Variants in DLGAP2 observed in about 807,000 individuals in gnomAD.
The protein encoded by DLGAP2 is disks large-associated protein 2.
DLGAP2 carries 26 observed loss-of-function variants against 100.3 expected under a neutral mutation model. The ratio of observed to expected loss-of-function variants is 0.26; its 90% confidence interval spans 0.19 to 0.36. The LOEUF (loss-of-function observed/expected upper bound fraction) is 0.36. Among genes scored for constraint, DLGAP2 ranks in the 10% least tolerant of loss-of-function variants. The pLI is 1.00. For missense variants in DLGAP2, 1,858 were observed against 1,453.2 expected (o/e 1.28, Z -4.53); for synonymous variants, 886 against 630.1 (o/e 1.41, Z -6.08).
intron 3 of DLGAP2, among the ~76,000 whole-genome samples, chr8:1,371,477 G>A (rs767259212): frequency 5.9e-5 from 9 of 152,218 alleles, no homozygotes; most frequent in South Asian, 2.1e-4. Context: ...TGCCCAGCGC[G>A]TTGCTGCCCA....
intron 3 of DLGAP2, among the ~76,000 whole-genome samples, chr8:1,426,150 A>C (rs997092531): frequency 6.6e-6 from 1 of 152,202 alleles, no homozygotes; most frequent in Non-Finnish European, 1.5e-5. Flanking sequence ...ACTCACCTCA[A>C]GGCCACACAT....
At chr8:1,471,556 C>G (rs552019472) in intron 3 of DLGAP2, among the ~76,000 whole-genome samples, 1 of 150,258 alleles carries the variant, frequency 6.7e-6, no homozygotes, top group East Asian at 2.0e-4. Context: ...CTAACCTCCT[C>G]TGCGACGCCC....
rs58789891 is a variant in DLGAP2, at chr8:985,806, A to G, written c.73+77840A>G. Among the ~76,000 whole-genome samples, 1,152 of 152,216 alleles carry G rather than the reference A, an allele frequency of 7.6e-3. 21 individuals carry two copies. The highest frequency in any genetic ancestry group is 0.027 in the African/African-American group (1,107 of 41,514). ...GTTTCCCCAGATGTGAGAGTGAGGG[A>G]TGTGTGGTTCATTAGCAGCAAGGAC... On this transcript the variant is annotated intron_variant, in intron 2 of 14. Transcript: ENST00000637795.
chr8:870,981 G>C (rs1797586203), intron 1 of DLGAP2, among the ~76,000 whole-genome samples: 1 of 152,172 alleles, frequency 6.6e-6, no homozygotes, highest in Admixed American at 6.5e-5. Flanking sequence ...TGGCACCTGA[G>C]CTCAACATTT....
Position 785,424 on chromosome 8 carries a change from C to A in DLGAP2, c.18+47599C>A, listed in dbSNP as rs1275147059. Among the ~76,000 whole-genome samples, 3 of 151,132 alleles carry A rather than the reference C, an allele frequency of 2.0e-5. No individual in the cohort carries two copies. The South Asian group carries it at 6.3e-4, about 32-fold the overall frequency. Reference sequence around the variant, plus strand: ...CTCCTCCCCTCAGGTCTCTCTGAGACCGGCTTCTCTCCTCCCCTCAGGTCT... The same window carrying A: ...CTCCTCCCCTCAGGTCTCTCTGAGAACGGCTTCTCTCCTCCCCTCAGGTCT... On this transcript the variant is annotated intron_variant, in intron 1 of 14. Coordinates refer to ENST00000637795, the MANE Select transcript of DLGAP2 (RefSeq NM_001346810.2).
chr8:1,008,610 G>T (rs1364382060), intron 2 of DLGAP2, among the ~76,000 whole-genome samples: 1 of 152,210 alleles, frequency 6.6e-6, no homozygotes, highest in African/African-American at 2.4e-5. Flanking sequence ...AGCTGCCTTT[G>T]TCAGTGGAAG....
intron 6 of DLGAP2, among the ~76,000 whole-genome samples, chr8:1,623,590 T>C (rs4875878): frequency 0.25 from 37,689 of 149,144 alleles, 4,723 homozygotes; most frequent in Middle Eastern, 0.45. Context: ...CACCAGTGTG[T>C]GATGACCTGG....
At chr8:846,521 A>C (rs114965456) in intron 1 of DLGAP2, among the ~76,000 whole-genome samples, 1 of 152,272 alleles carries the variant, frequency 6.6e-6, no homozygotes, top group African/African-American at 2.4e-5. Flanking sequence ...TATTTTCTTT[A>C]TCCATTCATC....
At chr8:847,243 T>C (rs74551515) in intron 1 of DLGAP2, among the ~76,000 whole-genome samples, 9,857 of 152,270 alleles carry the variant, frequency 0.065, 750 homozygotes, top group Admixed American at 0.22. Context: ...CCATATTATC[T>C]TAGTTTTCAG....
intron 2 of DLGAP2, among the ~76,000 whole-genome samples, chr8:948,940 G>A (rs796818357): frequency 6.6e-6 from 1 of 150,758 alleles, no homozygotes; most frequent in Admixed American, 6.7e-5. Flanking sequence ...GGGACGCCAG[G>A]GTGAGAGCAG....
chr8:915,219 C>T (rs538430370), intron 2 of DLGAP2, among the ~76,000 whole-genome samples: 68 of 152,248 alleles, frequency 4.5e-4, no homozygotes, highest in African/African-American at 1.2e-3. Context: ...GGTGCTGTGG[C>T]GTTGCCCTCC....
chr8:1,234,274 C>G (rs2116840513), intron 2 of DLGAP2, among the ~76,000 whole-genome samples: 1 of 152,294 alleles, frequency 6.6e-6, no homozygotes, highest in African/African-American at 2.4e-5. Context: ...CGTCTCACCG[C>G]TCTGGAGGCC....
intron 4 of DLGAP2, among the ~76,000 whole-genome samples, chr8:1,507,902 A>C (rs192316701): frequency 4.6e-4 from 64 of 137,968 alleles, no homozygotes; most frequent in African/African-American, 1.8e-3. Flanking sequence ...TGCACTGCCC[A>C]ATGGGAGCAT....
At chr8:1,509,125 G>A (rs1307949128) in intron 4 of DLGAP2, among the ~76,000 whole-genome samples, 2 of 152,040 alleles carry the variant, frequency 1.3e-5, no homozygotes, top group Non-Finnish European at 2.9e-5. Context: ...GAGGTCAGGA[G>A]ATCGAGACCA....
At chr8:1,167,515 G>A (rs62487546) in intron 2 of DLGAP2, among the ~76,000 whole-genome samples, 28,458 of 152,162 alleles carry the variant, frequency 0.19, 2,852 homozygotes, top group Middle Eastern at 0.34. Context: ...TTTCAGTGTT[G>A]CAGACCCAGG....
chr8:1,527,921 CAAAA>C (rs373923344), intron 4 of DLGAP2, among the ~76,000 whole-genome samples: 5 of 140,468 alleles, frequency 3.6e-5, no homozygotes, highest in Non-Finnish European at 7.8e-5. Context: ...TAAGTATCTG[CAAAA>C]AAAAAAAAGT....
At chr8:1,359,443 G>T (rs1444516628) in intron 3 of DLGAP2, among the ~76,000 whole-genome samples, 1 of 152,268 alleles carries the variant, frequency 6.6e-6, no homozygotes, top group Non-Finnish European at 1.5e-5. Flanking sequence ...ACAGGTTGGA[G>T]CCCAGGAACG....
rs559382684 is a variant in DLGAP2, at chr8:834,434, G to A, written c.19-73478G>A. Among the ~76,000 whole-genome samples the A allele has an allele frequency of 5.3e-5, 8 of 152,320 alleles. No homozygotes were observed. In the East Asian group the frequency reaches 1.5e-3, roughly 29 times the overall value. On this transcript the variant is annotated intron_variant, in intron 1 of 14. Transcript: ENST00000637795. ...AATGCAGGCCGACGCATGCGCCTGCGTTCCTCAGTGCCACAAGCACATCAT... is the reference window on the plus strand; with the variant it reads ...AATGCAGGCCGACGCATGCGCCTGCATTCCTCAGTGCCACAAGCACATCAT...
At chr8:1,134,128 A>G (rs1242883964) in intron 2 of DLGAP2, among the ~76,000 whole-genome samples, 1 of 152,152 alleles carries the variant, frequency 6.6e-6, no homozygotes, top group African/African-American at 2.4e-5. Context: ...CACTGAGGAT[A>G]ATGGCCTCCA....
Sources: gnomAD v4.1 joint callset for allele counts (sites outside exome capture counted in the v4.1 genomes callset) on GRCh38, gnomAD v4.1.1 for gene constraint, MANE v1.5 for transcripts, NCBI Gene and HGNC (gene_info 2026-07-23, HGNC 2026-07-21) for gene names.